TENM3: variants seen among roughly 807,000 people sequenced by gnomAD.
The protein encoded by TENM3 is teneurin transmembrane protein 3.
Under a neutral mutation model 255.1 loss-of-function variants are expected in TENM3, and 63 were observed. That is an observed-to-expected ratio of 0.25 (90% CI 0.20 to 0.30). The LOEUF (loss-of-function observed/expected upper bound fraction) is 0.30, where lower values mean the gene tolerates loss of function less well. Among genes scored for constraint, TENM3 ranks in the 10% least tolerant of loss-of-function variants. The pLI, the probability that TENM3 is intolerant of heterozygous loss-of-function variation, is 1.00. For synonymous variants in TENM3, 1,306 were observed against 1,322.3 expected, an observed-to-expected ratio of 0.99 and a Z score of 0.27; for missense variants, 2,929 against 3,461.1, an observed-to-expected ratio of 0.85 and a Z score of 3.86.
chr4:182,451,107 A>G (rs1276798381), intron 3 of TENM3, among the ~76,000 whole-genome samples: 5 of 152,202 alleles, frequency 3.3e-5, no homozygotes, highest in Non-Finnish European at 1.5e-5. Context: ...AGCACATTAT[A>G]GTAAATATGG....
At chr4:182,475,954 A>G (rs1199043629) in intron 3 of TENM3, among the ~76,000 whole-genome samples, 1 of 152,216 alleles carries the variant, frequency 6.6e-6, no homozygotes, top group East Asian at 1.9e-4. Context: ...TCTCTCGTAC[A>G]TTTGAATATT....
the TENM3 span, among the ~76,000 whole-genome samples, chr4:181,690,651 A>T: frequency 2.0e-3 from 17 of 8,334 alleles, no homozygotes; most frequent in African/African-American, 3.1e-3. Flanking sequence ...GAAAGGAGAT[A>T]AAAAAAAAAA....
the TENM3 span, among the ~76,000 whole-genome samples, chr4:181,806,674 C>T: frequency 2.0e-5 from 3 of 152,206 alleles, no homozygotes; most frequent in Non-Finnish European, 4.4e-5. Context: ...GGCATCAGAC[C>T]TGCCCGTGCC....
the TENM3 span, among the ~76,000 whole-genome samples, chr4:181,794,220 C>G: frequency 6.6e-6 from 1 of 152,058 alleles, no homozygotes; most frequent in Admixed American, 6.6e-5. Context: ...AAGTCACTAC[C>G]ACAGTAAAAC....
At chr4:182,135,628 C>T in the TENM3 span, among the ~76,000 whole-genome samples, 4 of 152,322 alleles carry the variant, frequency 2.6e-5, no homozygotes, top group South Asian at 2.1e-4. Flanking sequence ...ATGGGTGTAA[C>T]GGTCCATGAC....
At chr4:182,193,436 A>G (rs1012776221) in intron 1 of TENM3, among the ~76,000 whole-genome samples, 1 of 152,174 alleles carries the variant, frequency 6.6e-6, no homozygotes, top group Non-Finnish European at 1.5e-5. Flanking sequence ...AATTCTTTCC[A>G]GTCTTTACAT....
At chr4:182,424,452 GATTTTTTA>G (rs1771056792) in intron 3 of TENM3, among the ~76,000 whole-genome samples, 1 of 150,866 alleles carries the variant, frequency 6.6e-6, no homozygotes, top group East Asian at 2.0e-4. Context: ...TGTTGATTTT[GATTTTTTA>G]CACTTTTTTT....
chr4:181,633,160 A>G, the TENM3 span, among the ~76,000 whole-genome samples: 6 of 152,210 alleles, frequency 3.9e-5, no homozygotes, highest in African/African-American at 1.4e-4. Context: ...AAGGCTATGC[A>G]GTTATTGCTC....
At chr4:181,999,290 C>T in the TENM3 span, among the ~76,000 whole-genome samples, 1 of 152,242 alleles carries the variant, frequency 6.6e-6, no homozygotes, top group South Asian at 2.1e-4. Context: ...CAGGCAGGTG[C>T]TCCAGAGAGT....
At position 182,310,851 on chromosome 4, in the gene TENM3, C is replaced by T. The variant is rs749145856; in HGVS notation, c.-75-13095C>T. Reference sequence around the variant, plus strand: ...CCTCCCGAGTAGCTGGGACTACAGGCGTGTGTCACCAGGCCCAACTAATGT... The same window carrying T: ...CCTCCCGAGTAGCTGGGACTACAGGTGTGTGTCACCAGGCCCAACTAATGT... On this transcript the variant is annotated intron_variant, in intron 1 of 27. Coordinates refer to ENST00000511685, the MANE Select transcript of TENM3 (RefSeq NM_001080477.4). Among the ~76,000 whole-genome samples, 5 of 152,082 alleles carry T rather than the reference C, an allele frequency of 3.3e-5. 1 individual carries two copies. Among genetic ancestry groups the T allele is most frequent in the Non-Finnish European group, 7.4e-5 (5 of 68,008 alleles).
At chr4:182,676,493 A>G (rs1023894487) in intron 7 of TENM3, among the ~76,000 whole-genome samples, 1 of 152,218 alleles carries the variant, frequency 6.6e-6, no homozygotes, top group African/African-American at 2.4e-5. Flanking sequence ...AAATCTCTTT[A>G]GTCTCTATAT....
chr4:182,621,684 T>C, intron 4 of TENM3, among the ~76,000 whole-genome samples: 1 of 16,040 alleles, frequency 6.2e-5, no homozygotes, highest in East Asian at 1.4e-3. Context: ...ATATAAAATA[T>C]ATAATATATA....
chr4:181,867,351 C>T, the TENM3 span, among the ~76,000 whole-genome samples: 1 of 152,130 alleles, frequency 6.6e-6, no homozygotes, highest in Non-Finnish European at 1.5e-5. Context: ...TCTTCCTGCC[C>T]CAGGCCCTGC....
intron 6 of TENM3, among the ~76,000 whole-genome samples, chr4:182,654,139 T>C (rs1454303425): frequency 6.6e-6 from 1 of 152,234 alleles, no homozygotes; most frequent in East Asian, 1.9e-4. Flanking sequence ...GCCTTTCCCT[T>C]CTGCAGATGT....
At chr4:182,663,012 G>A (rs951108401) in intron 6 of TENM3, among the ~76,000 whole-genome samples, 4 of 152,270 alleles carry the variant, frequency 2.6e-5, no homozygotes, top group East Asian at 1.9e-4. Context: ...CTAAGCTGCC[G>A]TTTCAGTGGA....
At chr4:182,610,498 T>C (rs1748885013) in intron 4 of TENM3, among the ~76,000 whole-genome samples, 1 of 152,044 alleles carries the variant, frequency 6.6e-6, no homozygotes, top group Non-Finnish European at 1.5e-5. Context: ...CTGGGCAGCA[T>C]GGTGAGACCC....
At chr4:181,697,624 C>T in the TENM3 span, among the ~76,000 whole-genome samples, 5 of 152,112 alleles carry the variant, frequency 3.3e-5, no homozygotes, top group Middle Eastern at 3.4e-3. Flanking sequence ...GATCTCCTGA[C>T]CTCGTGATCC....
At chr4:181,912,768 T>TG in the TENM3 span, among the ~76,000 whole-genome samples, 1 of 109,162 alleles carries the variant, frequency 9.2e-6, no homozygotes, top group African/African-American at 3.9e-5. Flanking sequence ...CAAGACTATC[T>TG]CAAAAAAAAA....
intron 4 of TENM3, among the ~76,000 whole-genome samples, chr4:182,627,815 G>T: frequency 6.6e-6 from 1 of 151,880 alleles, no homozygotes; most frequent in East Asian, 1.9e-4. Context: ...CTTGTCATGT[G>T]ACCACACAAT....
Sources: gnomAD v4.1 joint callset for allele counts (sites outside exome capture counted in the v4.1 genomes callset) on GRCh38, gnomAD v4.1.1 for gene constraint, MANE v1.5 for transcripts, NCBI Gene and HGNC (gene_info 2026-07-23, HGNC 2026-07-21) for gene names.